RSRC1: variants seen among roughly 807,000 people sequenced by gnomAD.
RSRC1 encodes serine/Arginine-related protein 53.
Under a neutral mutation model 49.1 loss-of-function variants are expected in RSRC1, and 39 were observed. The observed-to-expected ratio is 0.79, with a 90% CI of 0.61 to 1.04. RSRC1 has a LOEUF of 1.04. Among genes scored for constraint, RSRC1 ranks in the 50% least tolerant of loss-of-function variants. The pLI is 0.00. For missense variants in RSRC1, 388 were observed against 402.4 expected, an observed-to-expected ratio of 0.96 and a Z score of 0.31; for synonymous variants, 143 against 130.8, an observed-to-expected ratio of 1.09 and a Z score of -0.63.
chr3:158,538,963 C>A (rs1712882478), intron 8 of RSRC1, among the ~76,000 whole-genome samples: 1 of 151,808 alleles, frequency 6.6e-6, no homozygotes, highest in African/African-American at 2.4e-5. Flanking sequence ...TCTATATCTG[C>A]AATATAAGGC....
intron 8 of RSRC1, among the ~76,000 whole-genome samples, chr3:158,540,220 G>T (rs1198172932): frequency 1.6e-4 from 25 of 152,150 alleles, no homozygotes; most frequent in Admixed American, 1.6e-3. Flanking sequence ...GGCACAGTGT[G>T]TTGGAGACAT....
intron 3 of RSRC1, among the ~76,000 whole-genome samples, chr3:158,163,992 T>C (rs1261677612): frequency 1.3e-5 from 2 of 152,158 alleles, no homozygotes; most frequent in Non-Finnish European, 2.9e-5. Flanking sequence ...ATTGAATCTG[T>C]CTCTATAATC....
intron 3 of RSRC1, among the ~76,000 whole-genome samples, chr3:158,177,220 G>A (rs1468729225): frequency 6.6e-6 from 1 of 152,168 alleles, no homozygotes; most frequent in African/African-American, 2.4e-5. Context: ...CAACCATTGT[G>A]GAAGACGGTG....
chr3:158,523,238 C>G (rs1358004543), intron 7 of RSRC1, among the ~76,000 whole-genome samples: 1 of 151,968 alleles, frequency 6.6e-6, no homozygotes, highest in African/African-American at 2.4e-5. Context: ...ATATATAATA[C>G]TTTGCATCCT....
chr3:158,370,748 T>C (rs1732024189), intron 6 of RSRC1, among the ~76,000 whole-genome samples: 1 of 151,878 alleles, frequency 6.6e-6, no homozygotes, highest in Non-Finnish European at 1.5e-5. Flanking sequence ...CATGTTTTCG[T>C]TTATTTTGAG....
chr3:158,483,803 T>C (rs909325347), intron 7 of RSRC1, among the ~76,000 whole-genome samples: 3 of 152,156 alleles, frequency 2.0e-5, no homozygotes, highest in African/African-American at 7.2e-5. Flanking sequence ...TTTTGTTTCT[T>C]TTATATATTG....
At chr3:158,428,206 C>T (rs1246110566) in intron 6 of RSRC1, among the ~76,000 whole-genome samples, 3 of 151,796 alleles carry the variant, frequency 2.0e-5, no homozygotes, top group Non-Finnish European at 4.4e-5. Context: ...ACACCTCCAG[C>T]CAGATTGTTT....
At chr3:158,256,170 C>T (rs1375329734) in intron 4 of RSRC1, among the ~76,000 whole-genome samples, 1 of 152,046 alleles carries the variant, frequency 6.6e-6, no homozygotes, top group Non-Finnish European at 1.5e-5. Flanking sequence ...CCAGTTTTTG[C>T]CCATTCAGTA....
chr3:158,111,445 A>G (rs928706706), intron 1 of RSRC1, among the ~76,000 whole-genome samples: 1 of 152,240 alleles, frequency 6.6e-6, no homozygotes, highest in African/African-American at 2.4e-5. Flanking sequence ...GGTTGTTTAT[A>G]GTAGATCTAT....
intron 6 of RSRC1, among the ~76,000 whole-genome samples, chr3:158,441,866 C>G (rs1011240848): frequency 6.6e-6 from 1 of 151,966 alleles, no homozygotes; most frequent in African/African-American, 2.4e-5. Flanking sequence ...ACCCTGAACT[C>G]AAGATTTAGG....
intron 6 of RSRC1, among the ~76,000 whole-genome samples, chr3:158,416,897 C>T (rs938820382): frequency 2.0e-5 from 3 of 151,770 alleles, no homozygotes; most frequent in African/African-American, 4.8e-5. Context: ...CACTTTAGAA[C>T]GTATCTGAAG....
intron 5 of RSRC1, among the ~76,000 whole-genome samples, chr3:158,335,042 C>T (rs1729806559): frequency 6.6e-6 from 1 of 152,050 alleles, no homozygotes; most frequent in African/African-American, 2.4e-5. Flanking sequence ...TGTTTCCTTT[C>T]CAAATCTAAG....
At chr3:158,380,591 G>A (rs376663326) in intron 6 of RSRC1, among the ~76,000 whole-genome samples, 14 of 152,012 alleles carry the variant, frequency 9.2e-5, no homozygotes, top group African/African-American at 2.7e-4. Context: ...TTTGCAAGTT[G>A]TCAGGTATTT....
At chr3:158,285,206 T>A (rs1295379770) in intron 4 of RSRC1, among the ~76,000 whole-genome samples, 42 of 152,088 alleles carry the variant, frequency 2.8e-4, no homozygotes, top group East Asian at 5.8e-4. Flanking sequence ...ATAGTTGTAG[T>A]TATTCGGCGT....
chr3:158,431,496 C>T (rs1735769728), intron 6 of RSRC1, among the ~76,000 whole-genome samples: 1 of 151,694 alleles, frequency 6.6e-6, no homozygotes, highest in African/African-American at 2.4e-5. Flanking sequence ...GACTAAGTTT[C>T]TCTATTAACT....
intron 1 of RSRC1, among the ~76,000 whole-genome samples, chr3:158,117,388 C>T (rs1398557313): frequency 6.6e-6 from 1 of 152,206 alleles, no homozygotes; most frequent in Non-Finnish European, 1.5e-5. Flanking sequence ...CCTGGACCTT[C>T]TGGGCTCAGG....
chr3:158,237,615 C>A (rs1425758211), intron 4 of RSRC1, among the ~76,000 whole-genome samples: 1 of 152,066 alleles, frequency 6.6e-6, no homozygotes, highest in Non-Finnish European at 1.5e-5. Context: ...GCTCATTGGC[C>A]ATTTATATAT....
intron 7 of RSRC1, among the ~76,000 whole-genome samples, chr3:158,475,640 A>T (rs1738332740): frequency 6.6e-6 from 1 of 152,106 alleles, no homozygotes; most frequent in Non-Finnish European, 1.5e-5. Context: ...TTGGGGCATG[A>T]TGAACTGCAA....
At chr3:158,364,815 A>AT (rs1482499610) in intron 6 of RSRC1, among the ~76,000 whole-genome samples, 9 of 110,842 alleles carry the variant, frequency 8.1e-5, no homozygotes, top group Non-Finnish European at 1.4e-4. Flanking sequence ...CAGAATGGGA[A>AT]AAATAATAAT....
Sources: allele counts gnomAD v4.1 joint callset (sites outside exome capture counted in the v4.1 genomes callset), GRCh38; gene constraint gnomAD v4.1.1; transcripts MANE v1.5; gene names NCBI Gene and HGNC (gene_info 2026-07-23, HGNC 2026-07-21).